NCALD: variants seen among roughly 807,000 people sequenced by gnomAD.
The protein encoded by NCALD is neurocalcin-delta.
In NCALD, 10 loss-of-function variants were observed where a neutral mutation model predicts 18.6. The observed-to-expected ratio is 0.54, with a 90% CI of 0.33 to 0.91. NCALD has a LOEUF of 0.91. Among genes scored for constraint, NCALD ranks in the 40% least tolerant of loss-of-function variants. The probability of loss-of-function intolerance (pLI) is 0.03; values close to 1 mark genes in which losing one functional copy is unlikely to be tolerated. For synonymous variants in NCALD, 88 were observed against 87.4 expected (o/e 1.01, Z -0.04); for missense variants, 184 against 247.6 (o/e 0.74, Z 1.72).
chr8:101,958,378 A>G (rs1029081648), intron 2 of NCALD, among the ~76,000 whole-genome samples: 2 of 152,250 alleles, frequency 1.3e-5, no homozygotes, highest in Admixed American at 6.5e-5. Context: ...CTCGTACAGC[A>G]TAATTGGTCA....
At chr8:102,116,359 G>A (rs1825786697) in intron 1 of NCALD, among the ~76,000 whole-genome samples, 1 of 152,206 alleles carries the variant, frequency 6.6e-6, no homozygotes, top group African/African-American at 2.4e-5. Context: ...CACCGTAACA[G>A]AGTCAGAGAA....
intron 2 of NCALD, among the ~76,000 whole-genome samples, chr8:101,967,323 T>A (rs909748123): frequency 6.6e-6 from 1 of 152,192 alleles, no homozygotes; most frequent in Non-Finnish European, 1.5e-5. Context: ...AAAGGAATGT[T>A]TTAAATCCAA....
At chr8:101,747,157 C>CCA (rs1269253847) in intron 1 of NCALD, among the ~76,000 whole-genome samples, 1 of 152,212 alleles carries the variant, frequency 6.6e-6, no homozygotes, top group African/African-American at 2.4e-5. Flanking sequence ...TTTTCCTGCC[C>CCA]CACACACACA....
intron 2 of NCALD, among the ~76,000 whole-genome samples, chr8:101,709,515 T>C (rs1815688278): frequency 6.6e-6 from 1 of 152,230 alleles, no homozygotes; most frequent in Non-Finnish European, 1.5e-5. Flanking sequence ...TTAGTTACTT[T>C]TGAGAACAGA....
At chr8:101,841,768 T>C (rs771364486) in intron 4 of NCALD, among the ~76,000 whole-genome samples, 6 of 152,140 alleles carry the variant, frequency 3.9e-5, no homozygotes, top group Non-Finnish European at 8.8e-5. Flanking sequence ...CCTTCTCAGA[T>C]GTTGGTTTAC....
At chr8:101,722,074 C>T (rs1404720803) in intron 1 of NCALD, among the ~76,000 whole-genome samples, 1 of 152,134 alleles carries the variant, frequency 6.6e-6, no homozygotes, top group Admixed American at 6.5e-5. Flanking sequence ...GACTCCTGGG[C>T]TCATGCCGTC....
intron 4 of NCALD, among the ~76,000 whole-genome samples, chr8:101,854,423 A>T (rs548608639): frequency 1.3e-5 from 2 of 152,300 alleles, no homozygotes; most frequent in South Asian, 4.2e-4. Context: ...CCTGAAGTGC[A>T]TGGGTCAGAA....
At chr8:101,997,051 A>T (rs561393643) in intron 2 of NCALD, among the ~76,000 whole-genome samples, 36 of 152,280 alleles carry the variant, frequency 2.4e-4, no homozygotes, top group South Asian at 1.0e-3. Flanking sequence ...GATTCCAGCT[A>T]CTCAGAGTCA....
chr8:101,779,836 AAT>A (rs1811942904), intron 1 of NCALD: 1 of 152,108 alleles, frequency 6.6e-6, no homozygotes, highest in African/African-American at 2.4e-5. Context: ...ATTATGAAAC[AAT>A]GTTTTTTTAA....
At chr8:101,942,953 G>GT (rs1232003491) in intron 2 of NCALD, among the ~76,000 whole-genome samples, 1 of 152,186 alleles carries the variant, frequency 6.6e-6, no homozygotes, top group Non-Finnish European at 1.5e-5. Flanking sequence ...TGACATGCAA[G>GT]TGGCTGACTG....
At chr8:101,892,460 C>A (rs1452965090) in intron 3 of NCALD, among the ~76,000 whole-genome samples, 4 of 149,316 alleles carry the variant, frequency 2.7e-5, no homozygotes, top group Non-Finnish European at 5.9e-5. Flanking sequence ...GAGTGCCTCT[C>A]CTCCTCCAAA....
chr8:101,949,502 G>A (rs946989288), intron 2 of NCALD, among the ~76,000 whole-genome samples: 1 of 152,064 alleles, frequency 6.6e-6, no homozygotes, highest in African/African-American at 2.4e-5. Context: ...GAGAGGCTGT[G>A]GGTCAAACGA....
chr8:102,054,800 TTCTCTATATTTCTA>T (rs770671868), intron 1 of NCALD, among the ~76,000 whole-genome samples: 4 of 152,158 alleles, frequency 2.6e-5, no homozygotes, highest in Non-Finnish European at 4.4e-5. Context: ...CTCTATCTTT[TTCTCTATATTTCTA>T]TCTCTATATT....
rs571374858 is a variant in NCALD at position 101,887,140 on chromosome 8, C to G, written c.-20+1G>C. The G allele has an allele frequency of 6.6e-6, 1 of 152,112 alleles. No individual in the cohort carries two copies. 9.4% of individuals were successfully genotyped at this position (152,112 alleles called of 1,614,324 possible). ...TTCAAGAGATTAAAAAACTAACTCA[C>G]AGTATGCAGTCACTCAGTGCCTGGG... On this transcript the variant is annotated splice_donor_variant, in intron 4 of 6. Transcript: ENST00000311028. LOFTEE classifies it low-confidence loss of function (5UTR_SPLICE).
chr8:101,878,400 T>C (rs1431790099), intron 4 of NCALD, among the ~76,000 whole-genome samples: 1 of 152,206 alleles, frequency 6.6e-6, no homozygotes, highest in African/African-American at 2.4e-5. Context: ...TGTTCAAGAG[T>C]TTCAATGTTT....
chr8:102,095,065 C>A (rs1825045496), intron 1 of NCALD, among the ~76,000 whole-genome samples: 1 of 152,192 alleles, frequency 6.6e-6, no homozygotes, highest in South Asian at 2.1e-4. Flanking sequence ...GGAAAACTAA[C>A]AGAAAAGTTA....
intron 1 of NCALD, among the ~76,000 whole-genome samples, chr8:102,058,914 T>G (rs1052935006): frequency 1.3e-5 from 2 of 152,170 alleles, no homozygotes; most frequent in Non-Finnish European, 2.9e-5. Context: ...ACCGTCACTG[T>G]CTTTGAAGAT....
At chr8:102,109,490 A>G (rs1825576510) in intron 1 of NCALD, among the ~76,000 whole-genome samples, 2 of 152,204 alleles carry the variant, frequency 1.3e-5, no homozygotes, top group Non-Finnish European at 2.9e-5. Context: ...AAAGCTGAGT[A>G]GCAAACCCTG....
At chr8:102,015,411 C>T (rs1021721034) in intron 2 of NCALD, among the ~76,000 whole-genome samples, 4 of 152,182 alleles carry the variant, frequency 2.6e-5, no homozygotes, top group African/African-American at 9.6e-5. Flanking sequence ...AATTAAAGTC[C>T]TCTCAGTTTT....
Sources: allele counts gnomAD v4.1 joint callset (sites outside exome capture counted in the v4.1 genomes callset), GRCh38; gene constraint gnomAD v4.1.1; transcripts MANE v1.5; gene names NCBI Gene and HGNC (gene_info 2026-07-23, HGNC 2026-07-21).